CD84: variants seen among roughly 807,000 people sequenced by gnomAD.
The protein encoded by CD84 is SLAM family member 5.
A neutral mutation model predicts 33.8 loss-of-function variants in CD84; 22 were observed. The ratio of observed to expected loss-of-function variants is 0.65; its 90% confidence interval spans 0.46 to 0.93. CD84 has a LOEUF of 0.93. Ranked by LOEUF, CD84 falls within the 40% of genes least tolerant of loss-of-function variation. The pLI is 0.00. For synonymous variants in CD84, 154 were observed against 145.2 expected, an observed-to-expected ratio of 1.06 and a Z score of -0.44; for missense variants, 400 against 397.6, an observed-to-expected ratio of 1.01 and a Z score of -0.05.
intron 2 of CD84, among the ~76,000 whole-genome samples, chr1:160,562,630 C>T (rs1295086773): frequency 6.6e-6 from 1 of 152,132 alleles, no homozygotes; most frequent in Non-Finnish European, 1.5e-5. Context: ...ATAAGAAAAT[C>T]TGGGCAATAC....
chr1:160,559,265 A>G (rs1198176133), intron 2 of CD84, among the ~76,000 whole-genome samples: 3 of 152,250 alleles, frequency 2.0e-5, no homozygotes, highest in Non-Finnish European at 4.4e-5. Flanking sequence ...GAAGCACATC[A>G]GACTAAAAGT....
At chr1:160,553,519 A>G in intron 3 of CD84, 22 bp from the exon 4 acceptor site, 1 of 1,613,902 alleles carries the variant, frequency 6.2e-7, no homozygotes, top group Non-Finnish European at 8.5e-7. Flanking sequence ...AGATGCAGTG[A>G]GTCTTGATTC....
chr1:160,575,706 T>A (rs567161369), intron 1 of CD84, among the ~76,000 whole-genome samples: 1 of 152,262 alleles, frequency 6.6e-6, no homozygotes. Context: ...AGCCCAGTGA[T>A]CTCCAAACTT....
intron 4 of CD84, 86 bp from the exon 5 acceptor site, chr1:160,551,121 G>T: frequency 1.0e-6 from 1 of 966,158 alleles, no homozygotes; most frequent in Non-Finnish European, 1.7e-6. Context: ...TTTTTAAGAT[G>T]AAGAAAGGAA....
At chr1:160,553,100 C>T (rs532506215) in intron 4 of CD84, 27 of 588,388 alleles carry the variant, frequency 4.6e-5, no homozygotes, top group East Asian at 2.4e-4. Flanking sequence ...TGAACACACT[C>T]GTACAGTGAA....
Position 160,550,935 on chromosome 1 carries a change from C to T in CD84, c.858+3G>A, listed in dbSNP as rs1490455902. On this transcript the variant is annotated splice_donor_region_variant and intron_variant, in intron 5 of 6. Transcript: ENST00000368054. The stretch of plus-strand genomic sequence containing the variant: ...GGGGTGTCCATGAATTGCATCAGCT[C>T]ACCTTGGACTGCAGGATTTCATCAT... 6.2e-7 allele frequency: 1 copy of T among 1,613,230 alleles called. No individual in the cohort carries two copies. The highest frequency in any genetic ancestry group is 8.5e-7 in the Non-Finnish European group (1 of 1,179,210).
intron 2 of CD84, among the ~76,000 whole-genome samples, chr1:160,555,603 T>C (rs547147581): frequency 1.3e-5 from 2 of 152,230 alleles, no homozygotes; most frequent in Non-Finnish European, 1.5e-5. Context: ...GGAGCTGGCA[T>C]GGGGAAGCGT....
intron 2 of CD84, among the ~76,000 whole-genome samples, chr1:160,554,431 T>C (rs1475034545): frequency 1.3e-5 from 2 of 152,196 alleles, no homozygotes; most frequent in Admixed American, 1.3e-4. Flanking sequence ...ATTCTGCATG[T>C]CTTAAAATCA....
chr1:160,562,766 T>A (rs1427573903), intron 2 of CD84, among the ~76,000 whole-genome samples: 3 of 151,984 alleles, frequency 2.0e-5, no homozygotes, highest in Non-Finnish European at 4.4e-5. Context: ...AAAGAAACTA[T>A]CATCAGAGTG....
intron 1 of CD84, among the ~76,000 whole-genome samples, chr1:160,567,721 G>T (rs1488292821): frequency 7.9e-5 from 12 of 152,170 alleles, no homozygotes; most frequent in Non-Finnish European, 1.2e-4. Flanking sequence ...GGGTCAGAAA[G>T]AGGCTAATGC....
intron 1 of CD84, among the ~76,000 whole-genome samples, chr1:160,574,024 T>A (rs1657850427): frequency 6.6e-6 from 1 of 151,702 alleles, no homozygotes; most frequent in South Asian, 2.1e-4. Context: ...GCCTGGGAAG[T>A]CAAGGCTGCC....
intron 1 of CD84, 120 bp from the exon 2 acceptor site, chr1:160,565,865 A>T: frequency 9.2e-6 from 7 of 759,096 alleles, no homozygotes; most frequent in Non-Finnish European, 1.4e-5. Flanking sequence ...CAGTTTCTTG[A>T]GGATGCCTTT....
chr1:160,579,373 A>C lies in CD84; in HGVS notation c.46+19T>G. 6.2e-7 allele frequency: 1 copy of C among 1,613,108 alleles called. No individual in the cohort carries two copies. Among genetic ancestry groups the C allele is most frequent in the African/African-American group, 1.3e-5 (1 of 74,990 alleles). On this transcript the variant is annotated intron_variant, in intron 1 of 6. Transcript: ENST00000368054. ...CTTTATGGAAAACTAGGAGGCGATC[A>C]GCAAGGGTCAGAACTCACAGGTTTG...
At chr1:160,560,733 TAGAG>T (rs1433118764) in intron 2 of CD84, among the ~76,000 whole-genome samples, 1 of 151,120 alleles carries the variant, frequency 6.6e-6, no homozygotes, top group South Asian at 2.1e-4. Flanking sequence ...ATGAGAAAAA[TAGAG>T]AGACTGCTAG....
In CD84 at chr1:160,543,063, C is replaced by G. The variant is rs937914641; in HGVS notation, c.*5193G>C. On this transcript the variant is annotated 3_prime_UTR_variant, in exon 7 of 7. Coordinates refer to ENST00000368054, the MANE Select transcript of CD84 (RefSeq NM_003874.4). ...CATCAGAATGTTTATGACCTGAAAC[C>G]CCTGCCTGTCCAAAATGCATATAGA... The G allele has an allele frequency of 6.6e-6, 1 of 151,956 alleles. No individual in the cohort carries two copies. The highest frequency in any genetic ancestry group is 1.5e-5 in the Non-Finnish European group (1 of 68,010). 9.4% of individuals were successfully genotyped at this position (151,956 alleles called of 1,614,324 possible).
intron 4 of CD84, chr1:160,551,370 T>C: frequency 7.2e-6 from 2 of 276,850 alleles, no homozygotes; most frequent in Non-Finnish European, 1.4e-5. Context: ...CTGTCTTGCA[T>C]GGCTAGTTGA....
rs929949665 is a variant in CD84 at position 160,547,490 on chromosome 1, T to C, written c.*766A>G. 14 of 286,320 alleles carry C rather than the reference T, an allele frequency of 4.9e-5. No homozygotes were observed. The highest frequency in any genetic ancestry group is 6.4e-5 in the Non-Finnish European group (10 of 155,590). The allele number at this position is 286,320 out of a possible 1,614,324, so 17.7% of individuals were successfully genotyped here. ...AAGTGTCCCAGCAGTCTCTAGACCC[T>C]GCAGAAAGAACATTTTCCAACACTC... On this transcript the variant is annotated 3_prime_UTR_variant, in exon 7 of 7. Coordinates refer to ENST00000368054, the MANE Select transcript of CD84 (RefSeq NM_003874.4).
intron 2 of CD84, among the ~76,000 whole-genome samples, chr1:160,557,214 C>T (rs1656667677): frequency 6.6e-6 from 1 of 152,214 alleles, no homozygotes; most frequent in Non-Finnish European, 1.5e-5. Flanking sequence ...ATACAGCTGG[C>T]AAAGTATGCC....
At chr1:160,568,860 C>T (rs1030800502) in intron 1 of CD84, among the ~76,000 whole-genome samples, 1 of 152,084 alleles carries the variant, frequency 6.6e-6, no homozygotes, top group African/African-American at 2.4e-5. Context: ...ACCTCAAATG[C>T]TCTGCCCGCC....
Sources: allele counts gnomAD v4.1 joint callset (sites outside exome capture counted in the v4.1 genomes callset), GRCh38; gene constraint gnomAD v4.1.1; transcripts MANE v1.5; gene names NCBI Gene and HGNC (gene_info 2026-07-23, HGNC 2026-07-21).